The following ZZZ3 variants were observed in gnomAD, a reference collection of about 807,000 sequenced individuals.
ZZZ3 encodes the protein zinc finger ZZ-type containing 3.
ZZZ3 carries 22 observed loss-of-function variants against 95.2 expected under a neutral mutation model. The ratio of observed to expected loss-of-function variants is 0.23; its 90% CI spans 0.17 to 0.33. ZZZ3 has a LOEUF of 0.33. Among genes scored for constraint, ZZZ3 ranks in the 10% least tolerant of loss-of-function variants. The pLI is 1.00. For missense variants in ZZZ3, 885 were observed against 1,066.5 expected (o/e 0.83, Z 2.37); for synonymous variants, 335 against 358.9 (o/e 0.93, Z 0.75).
intron 1 of ZZZ3, among the ~76,000 whole-genome samples, chr1:77,681,744 T>C (rs1183281642): frequency 6.6e-6 from 1 of 151,468 alleles, no homozygotes; most frequent in East Asian, 1.9e-4. Flanking sequence ...ACACAAAAAT[T>C]AGCCGGGCGT....
intron 5 of ZZZ3, among the ~76,000 whole-genome samples, chr1:77,617,141 A>G (rs753260860): frequency 2.0e-5 from 3 of 152,146 alleles, no homozygotes; most frequent in Non-Finnish European, 2.9e-5. Flanking sequence ...GGTAAAAATC[A>G]CATAAAATTT....
intron 5 of ZZZ3, among the ~76,000 whole-genome samples, chr1:77,589,486 G>A (rs1300138966): frequency 6.6e-6 from 1 of 151,732 alleles, no homozygotes; most frequent in Admixed American, 6.6e-5. Flanking sequence ...CACCCAGGTT[G>A]AAGGGCAGTG....
chr1:77,621,516 TAA>T (rs568033576), intron 5 of ZZZ3, among the ~76,000 whole-genome samples: 35 of 122,978 alleles, frequency 2.8e-4, no homozygotes, highest in Middle Eastern at 4.0e-3. Context: ...AAATTTAAGT[TAA>T]AAAAAAAAAA....
intron 5 of ZZZ3, among the ~76,000 whole-genome samples, chr1:77,600,743 G>C (rs938352878): frequency 6.6e-6 from 1 of 152,150 alleles, no homozygotes; most frequent in Non-Finnish European, 1.5e-5. Flanking sequence ...GCTTTGGCGT[G>C]ACTTGGAGTG....
rs756161698 is a variant in ZZZ3, at chr1:77,584,510, T to C, written c.1644+7A>G. On this transcript the variant is annotated splice_region_variant and intron_variant, in intron 6 of 14. Transcript: ENST00000370801. ...TTAGTAAATCTTAAAAACAGTTCAA[T>C]GTATACCTTCTTCTGGAGTTTTTCC... 1 of 1,604,004 alleles carries C rather than the reference T, an allele frequency of 6.2e-7. No homozygotes were observed. The highest frequency in any genetic ancestry group is 8.5e-7 in the Non-Finnish European group (1 of 1,177,132).
At position 77,563,286 on chromosome 1, in the gene ZZZ3, A is replaced by G. The variant is rs958782905; in HGVS notation, c.*2354T>C. 14 of 152,200 alleles carry G rather than the reference A, an allele frequency of 9.2e-5. No individual in the cohort carries two copies. Among genetic ancestry groups the G allele is most frequent in the Non-Finnish European group, 8.8e-5 (6 of 68,040 alleles). 9.4% of individuals were successfully genotyped at this position (152,200 alleles called of 1,614,324 possible). On this transcript the variant is annotated 3_prime_UTR_variant, in exon 15 of 15. Transcript: ENST00000370801. The stretch of plus-strand genomic sequence containing the variant: ...TTTTAGCTTACAGTCCAATAATTCT[A>G]TGTAGGCAGATGGTAGCCTACCGGC...
intron 5 of ZZZ3, among the ~76,000 whole-genome samples, chr1:77,585,402 CCT>C (rs1251437119): frequency 1.3e-5 from 2 of 152,140 alleles, no homozygotes; most frequent in African/African-American, 2.4e-5. Context: ...TAATATTCTC[CCT>C]CTGTTTAAAT....
In ZZZ3 at chr1:77,565,751, G is replaced by A. The variant is rs1378555716; in HGVS notation, c.2601C>T (p.His867=). 1 of 1,613,500 alleles carries A rather than the reference G, an allele frequency of 6.2e-7. No homozygotes were observed. The highest frequency in any genetic ancestry group is 1.3e-5 in the African/African-American group (1 of 74,994). Residue 867 remains histidine (H), a synonymous_variant, in exon 15 of 15, where the codon CAC becomes CAT. Coordinates refer to ENST00000370801, the MANE Select transcript of ZZZ3 (RefSeq NM_015534.6). ...CTGACCTATAAATAGGTTCTAATTG[G>A]TGATCTTCCTTGTGAATATCTGTTT... is the stretch of plus-strand genomic sequence containing the variant. The part of the protein sequence containing the change: ...LHETDIHKED[H]QLEPIYRSET...
chr1:77,580,983 T>C lies in ZZZ3; in HGVS notation c.1980+15A>G. The C allele has an allele frequency of 6.2e-7, 1 of 1,611,180 alleles. No homozygotes were observed. The highest frequency in any genetic ancestry group is 8.5e-7 in the Non-Finnish European group (1 of 1,177,304). On this transcript the variant is annotated intron_variant, in intron 9 of 14. Transcript: ENST00000370801. ...TTGTTTTTTTAAGCCTACACGATTT[T>C]GAAATATTTATTACCTGTTCTTCAA...
At chr1:77,605,193 A>T (rs988969152) in intron 5 of ZZZ3, among the ~76,000 whole-genome samples, 2 of 152,174 alleles carry the variant, frequency 1.3e-5, no homozygotes, top group Non-Finnish European at 2.9e-5. Context: ...ATCCCCCAGC[A>T]GTGACCACAA....
rs761891355 is a variant in ZZZ3 at position 77,632,997 on chromosome 1, T to C, written c.358A>G (p.Lys120Glu). 1 of 1,614,066 alleles carries C rather than the reference T, an allele frequency of 6.2e-7. No individual in the cohort carries two copies. The highest frequency in any genetic ancestry group is 8.5e-7 in the Non-Finnish European group (1 of 1,180,034). The change falls in exon 5 of 15, where the codon AAG becomes GAG. Residue 120 changes from lysine to glutamate, a missense_variant. Transcript: ENST00000370801. ...GGTGCTTCAGATCTAAGACAACGCT[T>C]AATTCTTTTTAAAACTGGTGAAACA... is the stretch of plus-strand genomic sequence containing the variant. ...EPVSPVLKRI[K>E]RCLRSEAPNS...
intron 5 of ZZZ3, among the ~76,000 whole-genome samples, chr1:77,600,335 T>C (rs1362557475): frequency 6.6e-6 from 1 of 152,154 alleles, no homozygotes; most frequent in Non-Finnish European, 1.5e-5. Flanking sequence ...TTTCACCCAT[T>C]TATTCATTAA....
intron 10 of ZZZ3, 32 bp downstream of exon 10, chr1:77,579,495 T>C (rs778654146): frequency 8.1e-6 from 12 of 1,485,208 alleles, no homozygotes; most frequent in South Asian, 6.9e-5. Flanking sequence ...ACCAAAAGCA[T>C]ACCAGCAATC....
intron 1 of ZZZ3, among the ~76,000 whole-genome samples, chr1:77,653,828 C>T (rs1472951145): frequency 6.6e-6 from 1 of 152,012 alleles, no homozygotes; most frequent in African/African-American, 2.4e-5. Context: ...GAAATGGACA[C>T]ATTCCATGAA....
chr1:77,674,739 G>A (rs866506126), intron 1 of ZZZ3, among the ~76,000 whole-genome samples: 1 of 152,060 alleles, frequency 6.6e-6, no homozygotes, highest in East Asian at 1.9e-4. Context: ...ATCACTTGAG[G>A]TCAGGAGTTC....
intron 12 of ZZZ3, among the ~76,000 whole-genome samples, chr1:77,575,644 G>C (rs1661857258): frequency 6.6e-6 from 1 of 151,962 alleles, no homozygotes; most frequent in Admixed American, 6.6e-5. Context: ...AGTGAAAGAG[G>C]GAGAATGAAC....
chr1:77,619,061 CCT>C (rs770216427), intron 5 of ZZZ3, among the ~76,000 whole-genome samples: 27 of 152,174 alleles, frequency 1.8e-4, no homozygotes, highest in Non-Finnish European at 2.8e-4. Flanking sequence ...GAAAAAAACC[CCT>C]GACAACCAGT....
intron 5 of ZZZ3, among the ~76,000 whole-genome samples, chr1:77,608,972 G>C (rs1248990660): frequency 6.6e-6 from 1 of 151,922 alleles, no homozygotes; most frequent in African/African-American, 2.4e-5. Flanking sequence ...AAGACACGAA[G>C]AGAGGACCAC....
At chr1:77,661,741 T>G (rs1413947801) in intron 1 of ZZZ3, among the ~76,000 whole-genome samples, 1 of 152,168 alleles carries the variant, frequency 6.6e-6, no homozygotes, top group Non-Finnish European at 1.5e-5. Flanking sequence ...GCTTTCTTTT[T>G]CCAAGTTAGA....
Sources: gnomAD v4.1 joint callset for allele counts (sites outside exome capture counted in the v4.1 genomes callset) on GRCh38, gnomAD v4.1.1 for gene constraint, MANE v1.5 for transcripts, NCBI Gene and HGNC (gene_info 2026-07-23, HGNC 2026-07-21) for gene names.